Variants in NEDD9 observed in about 807,000 individuals in gnomAD.
The protein encoded by NEDD9 is enhancer of filamentation 1.
NEDD9 carries 26 observed loss-of-function variants against 76.6 expected under a neutral mutation model. That is an observed-to-expected ratio of 0.34 (90% CI 0.25 to 0.47). NEDD9 has a LOEUF of 0.47. Ranked by LOEUF, NEDD9 falls within the 20% of genes least tolerant of loss-of-function variation. The probability of loss-of-function intolerance (pLI) is 1.00; values close to 1 mark genes in which losing one functional copy is unlikely to be tolerated. For synonymous variants in NEDD9, 392 were observed against 414.2 expected (o/e 0.95, Z 0.65); for missense variants, 937 against 1,058.5 (o/e 0.89, Z 1.59).
At position 11,184,850 on chromosome 6, in the gene NEDD9, A is replaced by T; in HGVS notation, c.*312T>A. 1 of 213,600 alleles carries T rather than the reference A, an allele frequency of 4.7e-6. No individual in the cohort carries two copies. Among genetic ancestry groups the T allele is most frequent in the Non-Finnish European group, 9.4e-6 (1 of 106,870 alleles). The allele number at this position is 213,600 out of a possible 1,614,324, so 13.2% of individuals were successfully genotyped here. The stretch of plus-strand genomic sequence containing the variant: ...TTCGTAATTCATGGTTTTTTTTTTA[A>T]TGAAATGCATCAGACAAACATCTAC... On this transcript the variant is annotated 3_prime_UTR_variant, in exon 7 of 7. Transcript: ENST00000379446.
intron 1 of NEDD9, among the ~76,000 whole-genome samples, chr6:11,343,944 A>G (rs1762319734): frequency 6.6e-6 from 1 of 152,208 alleles, no homozygotes; most frequent in Admixed American, 6.5e-5. Context: ...TGTTTACAAT[A>G]AAGGTAACCA....
chr6:11,257,506 G>GA (rs1554128453), intron 3 of NEDD9, among the ~76,000 whole-genome samples: 4 of 152,164 alleles, frequency 2.6e-5, no homozygotes, highest in African/African-American at 9.7e-5. Context: ...CTGTCTAACA[G>GA]CCCCCCAAAT....
intron 2 of NEDD9, among the ~76,000 whole-genome samples, chr6:11,327,919 T>A (rs2113490830): frequency 6.6e-6 from 1 of 152,362 alleles, no homozygotes; most frequent in East Asian, 1.9e-4. Flanking sequence ...ATGGAACAGC[T>A]GTGCAACAGC....
rs751553478 is a variant in NEDD9 at position 11,306,026 on chromosome 6, C to A, written c.-23G>T. Reference sequence around the variant, plus strand: ...CATTTTGCCCCAAGGAATGATGCAGCTCTGGATGTTGGAAAGGACAATTCC... The same window carrying A: ...CATTTTGCCCCAAGGAATGATGCAGATCTGGATGTTGGAAAGGACAATTCC... On this transcript the variant is annotated 5_prime_UTR_variant, in exon 3 of 4. Transcript: ENST00000397378. 5.0e-6 allele frequency: 8 copies of A among 1,613,914 alleles called. No homozygotes were observed. In the South Asian group the frequency reaches 6.6e-5, roughly 13 times the overall value.
At chr6:11,330,881 C>T (rs1305524992) in intron 2 of NEDD9, among the ~76,000 whole-genome samples, 1 of 152,178 alleles carries the variant, frequency 6.6e-6, no homozygotes, top group Non-Finnish European at 1.5e-5. Flanking sequence ...TTGTTGTTAA[C>T]CTAGCACTGC....
rs541160385 is a variant in NEDD9, at chr6:11,228,259, G to A, written c.12+4245C>T. On this transcript the variant is annotated intron_variant, in intron 1 of 6. Coordinates refer to ENST00000379446, the MANE Select transcript of NEDD9 (RefSeq NM_006403.4). ...GAGAATTTGCAAAAAGGCCGGGTGC[G>A]GTGGCTCACACCTGTAATCCCAGCA... Among the ~76,000 whole-genome samples the A allele has an allele frequency of 3.2e-4, 48 of 152,196 alleles. 1 individual carries two copies. Among genetic ancestry groups the A allele is most frequent in the African/African-American group, 5.5e-4 (23 of 41,522 alleles).
intron 1 of NEDD9, among the ~76,000 whole-genome samples, chr6:11,376,958 C>T (rs1245571779): frequency 1.3e-5 from 2 of 152,212 alleles, no homozygotes; most frequent in African/African-American, 4.8e-5. Flanking sequence ...CTCAAAGGGG[C>T]CCAGGTACAG....
chr6:11,229,284 A>T (rs1359222056), intron 1 of NEDD9, among the ~76,000 whole-genome samples: 19 of 152,266 alleles, frequency 1.2e-4, no homozygotes, highest in Non-Finnish European at 7.3e-5. Flanking sequence ...ATTTTAATGT[A>T]GGCACGTAAG....
chr6:11,213,307 T>C lies in NEDD9; in HGVS notation c.433A>G (p.Thr145Ala), dbSNP rs748674458. 6.8e-5 allele frequency: 110 copies of C among 1,607,796 alleles called. No homozygotes were observed. The highest frequency in any genetic ancestry group is 8.9e-5 in the Non-Finnish European group (105 of 1,174,950). Residue 145 changes from threonine (T) to alanine (A), a missense_variant, in exon 2 of 7, where the codon ACC (threonine) becomes GCC (alanine). Physicochemically the swap from Thr to Ala is moderately conservative, Grantham distance 58 (BLOSUM62 0). Transcript: ENST00000379446. The surrounding 1 kb of genome is among the most constrained non-coding windows in gnomAD (Gnocchi z 5.4). ...PPSVQRSIGG[T>A]SGPHVGKKVI... is the part of the protein sequence containing the mutation. ...TTTTTACCCACGTGGGGCCCACTGGTTCCCCCAATGCTTCTCTGCACTGAT... is the reference window on the plus strand; with the variant it reads ...TTTTTACCCACGTGGGGCCCACTGGCTCCCCCAATGCTTCTCTGCACTGAT...
chr6:11,380,971 G>A (rs1255811893), intron 1 of NEDD9, among the ~76,000 whole-genome samples: 1 of 152,150 alleles, frequency 6.6e-6, no homozygotes, highest in African/African-American at 2.4e-5. Context: ...ACCGTGCCCA[G>A]CTATCTTGTT....
chr6:11,315,578 C>A (rs1331646670), intron 2 of NEDD9, among the ~76,000 whole-genome samples: 1 of 152,140 alleles, frequency 6.6e-6, no homozygotes, highest in Non-Finnish European at 1.5e-5. Flanking sequence ...GCTGAACAGC[C>A]AAATTGGGTG....
chr6:11,210,308 T>C (rs1463660602), intron 2 of NEDD9, among the ~76,000 whole-genome samples: 1 of 152,170 alleles, frequency 6.6e-6, no homozygotes, highest in East Asian at 1.9e-4. Flanking sequence ...CTATGCCCAT[T>C]AACATTTTTA....
chr6:11,215,333 C>T lies in NEDD9; in HGVS notation c.13-1606G>A, dbSNP rs561731031. 1.4e-4 allele frequency among the ~76,000 whole-genome samples: 22 copies of T among 152,232 alleles called. No homozygotes were observed. In the South Asian group the frequency reaches 4.6e-3, roughly 32 times the overall value. ...ACAGAGAGGTGAGCGGCCAGGGAAG[C>T]TAAAGGGAAACTGAGGAGTGCATAT... On this transcript the variant is annotated intron_variant, in intron 1 of 6. Transcript: ENST00000379446.
At chr6:11,310,840 C>T (rs116851581) in intron 2 of NEDD9, among the ~76,000 whole-genome samples, 11 of 152,288 alleles carry the variant, frequency 7.2e-5, no homozygotes, top group South Asian at 4.1e-4. Flanking sequence ...AGAAAGCAGG[C>T]GCCCTCTGAA....
intron 2 of NEDD9, among the ~76,000 whole-genome samples, chr6:11,312,827 T>A (rs1235318230): frequency 6.6e-6 from 1 of 151,956 alleles, no homozygotes; most frequent in East Asian, 1.9e-4. Context: ...CTGAGAATTA[T>A]TGAAGCTAGG....
intron 3 of NEDD9, among the ~76,000 whole-genome samples, chr6:11,263,726 C>T (rs564590881): frequency 6.6e-6 from 1 of 152,138 alleles, no homozygotes. Flanking sequence ...GCATAGGTGC[C>T]ATTTTTGTCT....
chr6:11,379,102 A>G (rs550543616), intron 1 of NEDD9, among the ~76,000 whole-genome samples: 80 of 152,342 alleles, frequency 5.3e-4, no homozygotes, highest in African/African-American at 1.9e-3. Flanking sequence ...TCCAAAATCC[A>G]TACAATTCCA....
At chr6:11,271,153 T>G (rs183339184) in intron 3 of NEDD9, among the ~76,000 whole-genome samples, 314 of 152,238 alleles carry the variant, frequency 2.1e-3, no homozygotes, top group African/African-American at 6.6e-3. Flanking sequence ...CCCGATTTAG[T>G]GTCTCAAGAG....
intron 6 of NEDD9, 27 bp from the exon 7 acceptor site, chr6:11,185,698 A>G (rs1037843857): frequency 1.2e-6 from 2 of 1,600,498 alleles, no homozygotes; most frequent in Non-Finnish European, 1.7e-6. Flanking sequence ...AGCAGATCTC[A>G]TTAGAGCAAG....
Sources: gnomAD v4.1 joint callset for allele counts (sites outside exome capture counted in the v4.1 genomes callset) on GRCh38, gnomAD v4.1.1 for gene constraint, Gnocchi (gnomAD v3.1) non-coding constraint, MANE v1.5 for transcripts, NCBI Gene and HGNC (gene_info 2026-07-23, HGNC 2026-07-21) for gene names.